SLC30A10: variants seen among roughly 807,000 people sequenced by gnomAD.
SLC30A10 encodes solute carrier family 30 member 10, also known as calcium/manganese antiporter SLC30A10.
A neutral mutation model predicts 21.7 loss-of-function variants in SLC30A10; 8 were observed. That is an observed-to-expected ratio of 0.37 (90% confidence interval 0.22 to 0.67). SLC30A10 has a LOEUF of 0.67. Among genes scored for constraint, SLC30A10 ranks in the 30% least tolerant of loss-of-function variants. The probability of loss-of-function intolerance (pLI) is 0.58; values close to 1 mark genes in which losing one functional copy is unlikely to be tolerated. For synonymous variants in SLC30A10, 272 were observed against 279.4 expected (o/e 0.97, Z 0.26); for missense variants, 521 against 642.5 (o/e 0.81, Z 2.04).
At chr1:219,954,345 A>G (rs1660314700) in intron 1 of SLC30A10, among the ~76,000 whole-genome samples, 1 of 152,006 alleles carries the variant, frequency 6.6e-6, no homozygotes. Flanking sequence ...GATTATGAGA[A>G]ACAGAAGGAG....
At chr1:219,936,205 A>T (rs998625916) in intron 1 of SLC30A10, among the ~76,000 whole-genome samples, 1 of 152,218 alleles carries the variant, frequency 6.6e-6, no homozygotes, top group Non-Finnish European at 1.5e-5. Context: ...TAGTTTCCTA[A>T]TCTGTAAAAT....
In SLC30A10 at chr1:219,913,141, AG is replaced by A. The variant is rs558432801; in HGVS notation, c.*2307del. On this transcript the variant is annotated 3_prime_UTR_variant, in exon 4 of 4. Transcript: ENST00000366926. ...CATACAGCAGGCATCACAGTGCCAC[AG>A]GTGGCAAATGCAAGCCACTCAACCC... Among the ~76,000 whole-genome samples the A allele has an allele frequency of 4.4e-3, 670 of 152,382 alleles. 5 individuals are homozygous for A. The highest frequency in any genetic ancestry group is 0.02 in the South Asian group (96 of 4,830).
At chr1:219,942,185 T>C (rs1449243762) in intron 1 of SLC30A10, among the ~76,000 whole-genome samples, 3 of 152,020 alleles carry the variant, frequency 2.0e-5, no homozygotes, top group Non-Finnish European at 2.9e-5. Context: ...AAAAATGTAC[T>C]CAAAGGCCAA....
intron 1 of SLC30A10, among the ~76,000 whole-genome samples, chr1:219,948,838 G>T (rs916861289): frequency 6.6e-5 from 10 of 152,046 alleles, no homozygotes; most frequent in Non-Finnish European, 5.9e-5. Context: ...CTACAAAATG[G>T]GAGAAAATTT....
At chr1:219,927,362 C>T (rs1468614790) in intron 1 of SLC30A10, among the ~76,000 whole-genome samples, 4 of 151,922 alleles carry the variant, frequency 2.6e-5, no homozygotes, top group Middle Eastern at 3.4e-3. Context: ...CCCCTAAACC[C>T]GTAACACCCA....
chr1:219,954,195 A>G (rs1316299804), intron 1 of SLC30A10, among the ~76,000 whole-genome samples: 2 of 152,010 alleles, frequency 1.3e-5, no homozygotes, highest in Non-Finnish European at 2.9e-5. Flanking sequence ...GTCAGGCTAT[A>G]GTACTGAGTC....
At chr1:219,942,173 TA>T (rs1660131774) in intron 1 of SLC30A10, among the ~76,000 whole-genome samples, 1 of 151,944 alleles carries the variant, frequency 6.6e-6, no homozygotes, top group Admixed American at 6.6e-5. Flanking sequence ...TGGCAGAAAA[TA>T]AAAAATGTAC....
In SLC30A10 at chr1:219,928,551, C is replaced by A; in HGVS notation, c.-111G>T. On this transcript the variant is annotated 5_prime_UTR_variant, in exon 1 of 4. Coordinates refer to ENST00000366926, the MANE Select transcript of SLC30A10 (RefSeq NM_018713.3). This position sits in a 1 kb window ranked among gnomAD's most constrained non-coding sequence, Gnocchi z 6.3. ...ATCCGTGAGGCCCGGTACCCGCCTC[C>A]CAGATTGTCTCGCCGGCCCTGCCCC... 1 of 1,055,252 alleles carries A rather than the reference C, an allele frequency of 9.5e-7. No individual in the cohort carries two copies. Among genetic ancestry groups the A allele is most frequent in the Non-Finnish European group, 1.3e-6 (1 of 782,420 alleles). The allele number at this position is 1,055,252 out of a possible 1,614,324, so 65.4% of individuals were successfully genotyped here.
intron 1 of SLC30A10, among the ~76,000 whole-genome samples, chr1:219,934,491 T>TCCACA (rs1660020984): frequency 6.6e-6 from 1 of 151,924 alleles, no homozygotes; most frequent in Non-Finnish European, 1.5e-5. Context: ...AAAGCATAGT[T>TCCACA]TGAAAGACAA....
chr1:219,949,638 A>G (rs1212084985), intron 1 of SLC30A10, among the ~76,000 whole-genome samples: 1 of 152,136 alleles, frequency 6.6e-6, no homozygotes, highest in African/African-American at 2.4e-5. Flanking sequence ...TTTAGGAGAT[A>G]TACCTAATGC....
rs1659407966 is a variant in SLC30A10 at position 219,911,167 on chromosome 1, T to TTTTTTTTTG, written c.*4281_*4282insCAAAAAAAA. 7.4e-6 allele frequency among the ~76,000 whole-genome samples: 1 copy of TTTTTTTTTG among 134,728 alleles called. No individual in the cohort carries two copies. The highest frequency in any genetic ancestry group is 1.6e-5 in the Non-Finnish European group (1 of 64,224). The allele number at this position is 134,728 out of a possible 152,430, so 88.4% of individuals were successfully genotyped here. ...TACATCAGTTTTTTTTTTTTTTTTT[T>TTTTTTTTTG]TTTTTTTGCAGTCTTTTACTACAGG... On this transcript the variant is annotated 3_prime_UTR_variant, in exon 4 of 4. Transcript: ENST00000366926.
At chr1:219,948,484 C>T (rs1335154349) in intron 1 of SLC30A10, among the ~76,000 whole-genome samples, 1 of 152,148 alleles carries the variant, frequency 6.6e-6, no homozygotes, top group Non-Finnish European at 1.5e-5. Context: ...TGATTTTTGA[C>T]AAACCTGAGA....
At chr1:219,932,036 G>T (rs1432981060), upstream of SLC30A10, among the ~76,000 whole-genome samples, 1 of 151,346 alleles carries the variant, frequency 6.6e-6, no homozygotes, top group Non-Finnish European at 1.5e-5. Flanking sequence ...TACACCCTTT[G>T]CTTCCAGATT....
intron 1 of SLC30A10, among the ~76,000 whole-genome samples, chr1:219,934,395 G>A (rs1054077495): frequency 3.9e-5 from 6 of 152,078 alleles, no homozygotes; most frequent in South Asian, 4.1e-4. Flanking sequence ...CCTGGGAGGC[G>A]GAGGTTGCAG....
chr1:219,939,586 C>T (rs1281370129), intron 1 of SLC30A10, among the ~76,000 whole-genome samples: 4 of 152,080 alleles, frequency 2.6e-5, no homozygotes, highest in South Asian at 2.1e-4. Flanking sequence ...CCTGCCACTG[C>T]GCCCAGCTGA....
At chr1:219,932,702 ATTCT>A (rs1391062210), upstream of SLC30A10, among the ~76,000 whole-genome samples, 3 of 97,136 alleles carry the variant, frequency 3.1e-5, no homozygotes, top group African/African-American at 1.0e-4. Context: ...TTGAGTAACC[ATTCT>A]TTTTTTTTTT....
At chr1:219,940,810 G>T (rs1393022829) in intron 1 of SLC30A10, among the ~76,000 whole-genome samples, 2 of 152,150 alleles carry the variant, frequency 1.3e-5, no homozygotes, top group Non-Finnish European at 2.9e-5. Context: ...GTCCAGGCCT[G>T]GGTCGATTTT....
intron 1 of SLC30A10, among the ~76,000 whole-genome samples, chr1:219,946,738 T>C (rs956173668): frequency 2.0e-5 from 3 of 152,158 alleles, no homozygotes; most frequent in Non-Finnish European, 2.9e-5. Context: ...TGTTGTGCTC[T>C]GCTTGTAAGA....
At chr1:219,920,112 T>TA (rs1447612048) in intron 2 of SLC30A10, among the ~76,000 whole-genome samples, 1 of 152,142 alleles carries the variant, frequency 6.6e-6, no homozygotes, top group Non-Finnish European at 1.5e-5. Context: ...AATACAGGAA[T>TA]AAAAAGAATT....
Sources: allele counts gnomAD v4.1 joint callset (sites outside exome capture counted in the v4.1 genomes callset), GRCh38; gene constraint gnomAD v4.1.1; non-coding constraint Gnocchi (gnomAD v3.1); transcripts MANE v1.5; gene names NCBI Gene and HGNC (gene_info 2026-07-23, HGNC 2026-07-21).